PPARGC1A: variants seen among roughly 807,000 people sequenced by gnomAD.
PPARGC1A encodes PPARG coactivator 1 alpha.
Under a neutral mutation model 88.7 loss-of-function variants are expected in PPARGC1A, and 25 were observed. That is an observed-to-expected ratio of 0.28 (90% CI 0.21 to 0.39). PPARGC1A has a LOEUF of 0.39. PPARGC1A is among the 10% of genes least tolerant of loss of function. The probability of loss-of-function intolerance (pLI) is 1.00; values close to 1 mark genes in which losing one functional copy is unlikely to be tolerated. For missense variants in PPARGC1A, 880 were observed against 968.7 expected (o/e 0.91, Z 1.22); for synonymous variants, 363 against 355.6 (o/e 1.02, Z -0.24).
chr4:24,110,538 G>A, the PPARGC1A span, among the ~76,000 whole-genome samples: 1,426 of 152,234 alleles, frequency 9.4e-3, 13 homozygotes, highest in Middle Eastern at 0.058. Flanking sequence ...AGGAAAGAAG[G>A]CCCAGGTGTT....
chr4:23,849,980 C>T (rs1474147160), intron 2 of PPARGC1A, among the ~76,000 whole-genome samples: 2 of 150,468 alleles, frequency 1.3e-5, no homozygotes, highest in Non-Finnish European at 3.0e-5. Flanking sequence ...AAAAAATAGA[C>T]AAAAATGAAA....
At chr4:23,854,699 A>T (rs1560450343) in intron 2 of PPARGC1A, among the ~76,000 whole-genome samples, 2 of 151,662 alleles carry the variant, frequency 1.3e-5, no homozygotes, top group Non-Finnish European at 2.9e-5. Flanking sequence ...CACCTTTAAA[A>T]TTTTTTTTTA....
At chr4:23,816,012 A>G (rs1721925702) in intron 7 of PPARGC1A, among the ~76,000 whole-genome samples, 1 of 152,196 alleles carries the variant, frequency 6.6e-6, no homozygotes, top group South Asian at 2.1e-4. Flanking sequence ...CCTACTTTAT[A>G]ATTAAGAAAT....
At chr4:24,263,970 G>C in the PPARGC1A span, among the ~76,000 whole-genome samples, 5 of 152,018 alleles carry the variant, frequency 3.3e-5, no homozygotes, top group East Asian at 7.7e-4. Flanking sequence ...GGCTGATCTT[G>C]TACCCCCCGG....
chr4:24,002,183 G>C, the PPARGC1A span, among the ~76,000 whole-genome samples: 1 of 151,952 alleles, frequency 6.6e-6, no homozygotes, highest in Non-Finnish European at 1.5e-5. Context: ...CTGGAGTGCA[G>C]TGGCACGATC....
chr4:23,979,085 G>C, the PPARGC1A span, among the ~76,000 whole-genome samples: 1 of 152,098 alleles, frequency 6.6e-6, no homozygotes, highest in Non-Finnish European at 1.5e-5. Flanking sequence ...TGCATTCAAA[G>C]GATAATTTCA....
intron 2 of PPARGC1A, among the ~76,000 whole-genome samples, chr4:23,871,689 G>A (rs769103280): frequency 1.6e-4 from 24 of 152,268 alleles, no homozygotes; most frequent in Non-Finnish European, 2.5e-4. Flanking sequence ...CTGGAATACA[G>A]AAGCTCTAAC....
the PPARGC1A span, among the ~76,000 whole-genome samples, chr4:24,102,992 G>C: frequency 6.6e-6 from 1 of 152,166 alleles, no homozygotes; most frequent in Non-Finnish European, 1.5e-5. Flanking sequence ...CCAGGGGCTT[G>C]AAATCATGCC....
At chr4:23,930,991 T>G in the PPARGC1A span, among the ~76,000 whole-genome samples, 1 of 152,220 alleles carries the variant, frequency 6.6e-6, no homozygotes, top group Non-Finnish European at 1.5e-5. Flanking sequence ...GCCTGGCACA[T>G]GCCGCCGCGT....
chr4:24,063,931 CA>C, the PPARGC1A span, among the ~76,000 whole-genome samples: 1 of 152,156 alleles, frequency 6.6e-6, no homozygotes, highest in African/African-American at 2.4e-5. Flanking sequence ...TTACAAACAT[CA>C]GGGGGCCCGC....
At chr4:24,333,934 CAACAACAAAAAAA>C in the PPARGC1A span, among the ~76,000 whole-genome samples, 23 of 14,154 alleles carry the variant, frequency 1.6e-3, 1 homozygote, top group East Asian at 0.033. Context: ...ACTCCAACAA[CAACAACAAAAAAA>C]AAAAAAAAAA....
At chr4:23,925,273 A>G in the PPARGC1A span, among the ~76,000 whole-genome samples, 3 of 152,248 alleles carry the variant, frequency 2.0e-5, no homozygotes, top group Non-Finnish European at 2.9e-5. Flanking sequence ...TGCTCTAAAT[A>G]CAAAAATGAA....
the PPARGC1A span, among the ~76,000 whole-genome samples, chr4:24,117,221 C>T: frequency 1.3e-5 from 2 of 152,140 alleles, no homozygotes; most frequent in South Asian, 2.1e-4. Flanking sequence ...CATATCTTGT[C>T]GGTGACTTTA....
At chr4:23,822,946 T>G (rs1430510715) in intron 7 of PPARGC1A, among the ~76,000 whole-genome samples, 1 of 152,092 alleles carries the variant, frequency 6.6e-6, no homozygotes, top group East Asian at 1.9e-4. Flanking sequence ...CTACCTTTGT[T>G]AGAAGGTGGT....
the PPARGC1A span, among the ~76,000 whole-genome samples, chr4:24,004,776 T>C: frequency 6.6e-6 from 1 of 152,210 alleles, no homozygotes. Flanking sequence ...ACTAGAAGAA[T>C]GCCAGGCTTC....
chr4:24,396,455 T>A, the PPARGC1A span, among the ~76,000 whole-genome samples: 1 of 152,054 alleles, frequency 6.6e-6, no homozygotes, highest in African/African-American at 2.4e-5. Context: ...TCCCATAGCA[T>A]CCTTCCTGTG....
At chr4:23,976,483 G>C in the PPARGC1A span, among the ~76,000 whole-genome samples, 1 of 152,162 alleles carries the variant, frequency 6.6e-6, no homozygotes, top group Admixed American at 6.5e-5. Context: ...GGCCTGAATT[G>C]ACTATTTATC....
At chr4:23,931,098 C>A in the PPARGC1A span, among the ~76,000 whole-genome samples, 8 of 152,192 alleles carry the variant, frequency 5.3e-5, no homozygotes, top group East Asian at 7.7e-4. Flanking sequence ...CACCTGCTCA[C>A]CCCACCTCTG....
At chr4:24,048,423 T>C in the PPARGC1A span, among the ~76,000 whole-genome samples, 1 of 152,198 alleles carries the variant, frequency 6.6e-6, no homozygotes, top group South Asian at 2.1e-4. Context: ...TTTGCTCAAT[T>C]TTCTTCAATG....
Sources: gnomAD v4.1 joint callset for allele counts (sites outside exome capture counted in the v4.1 genomes callset) on GRCh38, gnomAD v4.1.1 for gene constraint, MANE v1.5 for transcripts, NCBI Gene and HGNC (gene_info 2026-07-23, HGNC 2026-07-21) for gene names.